ANO3: variants seen among roughly 807,000 people sequenced by gnomAD.
ANO3 encodes the protein anoctamin-3.
A neutral mutation model predicts 144.8 loss-of-function variants in ANO3; 99 were observed. The observed-to-expected ratio is 0.68, with a 90% confidence interval of 0.58 to 0.81. The LOEUF (loss-of-function observed/expected upper bound fraction) is 0.81. Ranked by LOEUF, ANO3 falls within the 30% of genes least tolerant of loss-of-function variation. The pLI is 0.00. For synonymous variants in ANO3, 414 were observed against 392.6 expected, an observed-to-expected ratio of 1.05 and a Z score of -0.64; for missense variants, 905 against 1,202.2, an observed-to-expected ratio of 0.75 and a Z score of 3.66.
chr11:26,253,334 T>G (rs373601460), intron 1 of ANO3, among the ~76,000 whole-genome samples: 7 of 152,210 alleles, frequency 4.6e-5, no homozygotes, highest in Non-Finnish European at 8.8e-5. Context: ...TTATCACTTA[T>G]AAGTGGGAGC....
chr11:26,287,249 T>C (rs890565093), intron 1 of ANO3: 2 of 152,226 alleles, frequency 1.3e-5, no homozygotes, highest in Non-Finnish European at 2.9e-5. Context: ...ACACAATTAA[T>C]AAATATGCTA....
intron 1 of ANO3, among the ~76,000 whole-genome samples, chr11:26,370,623 G>T (rs1439593979): frequency 2.0e-5 from 3 of 152,216 alleles, no homozygotes; most frequent in Admixed American, 2.0e-4. Flanking sequence ...AGGACAGGAA[G>T]ATGTGGGAAC....
chr11:26,292,653 C>T (rs1414699766), intron 1 of ANO3, among the ~76,000 whole-genome samples: 1 of 152,120 alleles, frequency 6.6e-6, no homozygotes, highest in Non-Finnish European at 1.5e-5. Context: ...TGTTAGTTTT[C>T]CTTCTAACAG....
chr11:26,515,429 C>T (rs1438010632), intron 5 of ANO3, among the ~76,000 whole-genome samples: 1 of 151,890 alleles, frequency 6.6e-6, no homozygotes, highest in Non-Finnish European at 1.5e-5. Context: ...TGAGCCCCCA[C>T]TTGTTTGCTT....
chr11:26,620,244 C>G (rs1852376534), intron 17 of ANO3, among the ~76,000 whole-genome samples: 1 of 152,086 alleles, frequency 6.6e-6, no homozygotes, highest in African/African-American at 2.4e-5. Flanking sequence ...AATGTATATT[C>G]TTGTTGCTTG....
chr11:26,591,354 G>C (rs545542407), intron 14 of ANO3, among the ~76,000 whole-genome samples: 4 of 152,188 alleles, frequency 2.6e-5, no homozygotes, highest in African/African-American at 9.7e-5. Flanking sequence ...ATTAACATCA[G>C]AGCATGGGCT....
At chr11:26,352,264 G>A (rs1855667469) in intron 1 of ANO3, among the ~76,000 whole-genome samples, 1 of 152,162 alleles carries the variant, frequency 6.6e-6, no homozygotes. Flanking sequence ...GAACTGGCAG[G>A]TAAACTTAGA....
chr11:26,553,470 C>T lies in ANO3; in HGVS notation c.1386+125C>T. 8 of 528,516 alleles carry T rather than the reference C, an allele frequency of 1.5e-5. 1 individual carries two copies. The South Asian group carries it at 3.1e-4, about 21-fold the overall frequency. 32.7% of individuals were successfully genotyped at this position (528,516 alleles called of 1,614,324 possible). A position where few individuals can be genotyped will look rare whatever the true frequency, so the allele number is the denominator to read the frequency against. Reference sequence around the variant, plus strand: ...CAAGAGTTTCAACCTTAATAAGTGCCATTGACAACTGAATAAAATGTCAGT... The same window carrying T: ...CAAGAGTTTCAACCTTAATAAGTGCTATTGACAACTGAATAAAATGTCAGT... On this transcript the variant is annotated intron_variant, in intron 13 of 26. Coordinates refer to ENST00000256737, the MANE Select transcript of ANO3 (RefSeq NM_031418.4).
intron 1 of ANO3, among the ~76,000 whole-genome samples, chr11:26,313,295 G>A (rs1348583425): frequency 6.6e-6 from 1 of 152,132 alleles, no homozygotes; most frequent in African/African-American, 2.4e-5. Flanking sequence ...TACATGAAAA[G>A]GCTCTGAAAA....
chr11:26,555,121 T>G (rs1413152878), intron 13 of ANO3, among the ~76,000 whole-genome samples: 2 of 152,224 alleles, frequency 1.3e-5, no homozygotes, highest in Non-Finnish European at 2.9e-5. Context: ...GTTTCGTTTA[T>G]ACTTTAATTT....
chr11:26,554,757 T>A (rs1850037038), intron 13 of ANO3, among the ~76,000 whole-genome samples: 1 of 152,150 alleles, frequency 6.6e-6, no homozygotes, highest in South Asian at 2.1e-4. Flanking sequence ...CACTGAGTAC[T>A]GCCTAGGTTA....
chr11:26,504,190 TTG>T (rs1861318959), intron 4 of ANO3, among the ~76,000 whole-genome samples: 1 of 152,196 alleles, frequency 6.6e-6, no homozygotes, highest in Non-Finnish European at 1.5e-5. Flanking sequence ...GCTACTATAA[TTG>T]TGTGTTTCTT....
At chr11:26,269,662 A>G (rs530850512) in intron 1 of ANO3, among the ~76,000 whole-genome samples, 34 of 152,210 alleles carry the variant, frequency 2.2e-4, no homozygotes, top group African/African-American at 8.0e-4. Context: ...TCTCTCAGTC[A>G]TCATCCGGTG....
chr11:26,436,973 C>T (rs990287698), intron 1 of ANO3, among the ~76,000 whole-genome samples: 2 of 151,830 alleles, frequency 1.3e-5, no homozygotes, highest in African/African-American at 4.8e-5. Flanking sequence ...CCTTGGATTC[C>T]CCAGAGCCAG....
intron 1 of ANO3, among the ~76,000 whole-genome samples, chr11:26,392,346 A>G (rs997928191): frequency 5.9e-5 from 9 of 151,986 alleles, no homozygotes; most frequent in African/African-American, 2.2e-4. Flanking sequence ...TAACTTAAAA[A>G]GGATGACAAT....
At chr11:26,359,967 TAAATTTTATA>T in intron 1 of ANO3, among the ~76,000 whole-genome samples, 1 of 144,806 alleles carries the variant, frequency 6.9e-6, no homozygotes, top group Non-Finnish European at 1.5e-5. Context: ...TAAATCAACA[TAAATTTTATA>T]TTTATATGTA....
intron 17 of ANO3, among the ~76,000 whole-genome samples, chr11:26,623,517 A>G (rs1852482081): frequency 6.6e-6 from 1 of 152,168 alleles, no homozygotes; most frequent in African/African-American, 2.4e-5. Context: ...TGGTCAGAGT[A>G]TATAGGAGAG....
chr11:26,308,148 A>G (rs187105588), upstream of ANO3, among the ~76,000 whole-genome samples: 348 of 152,344 alleles, frequency 2.3e-3, 1 homozygote, highest in Non-Finnish European at 4.1e-3. Context: ...CACAATTGGC[A>G]AATCTAAATA....
At chr11:26,474,184 A>T in intron 4 of ANO3, 1 of 842,580 alleles carries the variant, frequency 1.2e-6, no homozygotes, top group South Asian at 5.4e-5. Context: ...TATTTTCTTA[A>T]ACATATGTAG....
Sources: allele counts gnomAD v4.1 joint callset (sites outside exome capture counted in the v4.1 genomes callset), GRCh38; gene constraint gnomAD v4.1.1; transcripts MANE v1.5; gene names NCBI Gene and HGNC (gene_info 2026-07-23, HGNC 2026-07-21).